ADGRL2: variants seen among roughly 807,000 people sequenced by gnomAD.
ADGRL2 encodes calcium-independent alpha-latrotoxin receptor 2.
A neutral mutation model predicts 157.4 loss-of-function variants in ADGRL2; 44 were observed. That is an observed-to-expected ratio of 0.28 (90% CI 0.22 to 0.36). The LOEUF is 0.36. Ranked by LOEUF, ADGRL2 falls within the 10% of genes least tolerant of loss-of-function variation. The pLI is 1.00. For missense variants in ADGRL2, 1,510 were observed against 1,768.9 expected (o/e 0.85, Z 2.63); for synonymous variants, 585 against 624.7 (o/e 0.94, Z 0.95).
At chr1:81,576,127 C>T (rs1356722475) in intron 2 of ADGRL2, among the ~76,000 whole-genome samples, 1 of 152,080 alleles carries the variant, frequency 6.6e-6, no homozygotes, top group Non-Finnish European at 1.5e-5. Flanking sequence ...CAGGAAAAGA[C>T]AGGTGCACCC....
At chr1:81,956,780 C>G (rs910558555) in intron 11 of ADGRL2, among the ~76,000 whole-genome samples, 5 of 152,104 alleles carry the variant, frequency 3.3e-5, no homozygotes, top group African/African-American at 1.2e-4. Flanking sequence ...AAAAAGCTTC[C>G]CAAGCATACA....
At chr1:81,869,720 A>G (rs1557812268) in intron 2 of ADGRL2, among the ~76,000 whole-genome samples, 1 of 151,960 alleles carries the variant, frequency 6.6e-6, no homozygotes, top group Non-Finnish European at 1.5e-5. Context: ...AAAAAATATA[A>G]TTTGTGACTC....
intron 2 of ADGRL2, among the ~76,000 whole-genome samples, chr1:81,773,706 T>C (rs867174893): frequency 2.0e-5 from 3 of 152,176 alleles, no homozygotes; most frequent in Non-Finnish European, 1.5e-5. Flanking sequence ...TAGAACATAA[T>C]AATTATTGAG....
At chr1:81,879,107 A>C (rs2093918773) in intron 2 of ADGRL2, among the ~76,000 whole-genome samples, 1 of 152,220 alleles carries the variant, frequency 6.6e-6, no homozygotes, top group Admixed American at 6.5e-5. Flanking sequence ...CTCTGATAAA[A>C]AGATTAGTTT....
chr1:81,956,986 G>T (rs1012649201), intron 11 of ADGRL2, among the ~76,000 whole-genome samples: 1 of 151,602 alleles, frequency 6.6e-6, no homozygotes, highest in Non-Finnish European at 1.5e-5. Context: ...TGGAAGAAAT[G>T]GACATAAATC....
chr1:81,313,507 C>T (rs1239321680), intron 1 of ADGRL2, among the ~76,000 whole-genome samples: 1 of 152,174 alleles, frequency 6.6e-6, no homozygotes, highest in Non-Finnish European at 1.5e-5. Flanking sequence ...CTCTTAGCCA[C>T]TCGGGTGATA....
At chr1:81,419,130 G>A (rs1263043750) in intron 1 of ADGRL2, among the ~76,000 whole-genome samples, 2 of 151,988 alleles carry the variant, frequency 1.3e-5, no homozygotes, top group Non-Finnish European at 2.9e-5. Flanking sequence ...AGTGTAAAGT[G>A]GAGCATATTT....
intron 1 of ADGRL2, among the ~76,000 whole-genome samples, chr1:81,407,810 G>A (rs750927165): frequency 6.6e-6 from 1 of 152,204 alleles, no homozygotes; most frequent in Non-Finnish European, 1.5e-5. Flanking sequence ...GAGAAAAGAA[G>A]GGAGAGGGAG....
chr1:81,612,242 G>C (rs1170859715), intron 3 of ADGRL2, among the ~76,000 whole-genome samples: 1 of 152,058 alleles, frequency 6.6e-6, no homozygotes, highest in Non-Finnish European at 1.5e-5. Context: ...TAGTTTGTAG[G>C]TGAGAAAATG....
Position 81,943,001 on chromosome 1 carries a change from G to A in ADGRL2, c.442G>A (p.Val148Met). The A allele has an allele frequency of 1.2e-6, 2 of 1,612,928 alleles. No individual in the cohort carries two copies. Among genetic ancestry groups the A allele is most frequent in the Non-Finnish European group, 8.5e-7 (1 of 1,179,238 alleles). The part of the protein sequence containing the change: ...FVCPGTLKAI[V>M]DSPCIYEAEQ... ...GTGTCCTGGGACCTTGAAAGCAATT[G>A]TGGACTCACCATGTATATATGAAGC... is the stretch of plus-strand genomic sequence containing the variant. The change falls in exon 6 of 24, where the codon GTG becomes ATG. Residue 148 changes from valine to methionine, a missense_variant. By Grantham distance (21) the Val-to-Met change is conservative (BLOSUM62 1). Transcript: ENST00000686636. This position sits in a 1 kb window ranked among gnomAD's most constrained non-coding sequence, Gnocchi z 5.6.
chr1:81,778,185 G>C (rs2086665330), intron 2 of ADGRL2, among the ~76,000 whole-genome samples: 1 of 142,130 alleles, frequency 7.0e-6, no homozygotes, highest in African/African-American at 2.7e-5. Flanking sequence ...AGCCAAGCAT[G>C]GTGGCGGGCA....
intron 1 of ADGRL2, among the ~76,000 whole-genome samples, chr1:81,717,341 C>T (rs1485673010): frequency 6.6e-6 from 1 of 152,172 alleles, no homozygotes; most frequent in African/African-American, 2.4e-5. Context: ...AAAAGGCCAA[C>T]TACAAGTCAA....
intron 2 of ADGRL2, among the ~76,000 whole-genome samples, chr1:81,549,881 A>G (rs2080103265): frequency 6.6e-6 from 1 of 152,200 alleles, no homozygotes; most frequent in African/African-American, 2.4e-5. Flanking sequence ...CCTGCCTTCT[A>G]TCCCAAGTAG....
At chr1:81,644,904 T>G (rs1200742697) in intron 3 of ADGRL2, among the ~76,000 whole-genome samples, 1 of 152,244 alleles carries the variant, frequency 6.6e-6, no homozygotes. Context: ...AAAAATCACT[T>G]AGACCCCTTG....
intron 2 of ADGRL2, among the ~76,000 whole-genome samples, chr1:81,885,037 G>C (rs2094092794): frequency 6.6e-6 from 1 of 152,102 alleles, no homozygotes; most frequent in Non-Finnish European, 1.5e-5. Flanking sequence ...TATAAAGCAA[G>C]GGAAACAGTG....
chr1:81,954,303 TAATA>T (rs1652780679), intron 10 of ADGRL2, among the ~76,000 whole-genome samples: 1 of 151,956 alleles, frequency 6.6e-6, no homozygotes, highest in South Asian at 2.1e-4. Flanking sequence ...GTACAAATAG[TAATA>T]AATAAGGAGT....
chr1:81,690,699 T>A (rs1027177001), intron 3 of ADGRL2, among the ~76,000 whole-genome samples: 2 of 152,150 alleles, frequency 1.3e-5, no homozygotes, highest in African/African-American at 4.8e-5. Context: ...TTTTTCTGGG[T>A]TATTCATTTC....
rs549562065 is a variant in ADGRL2, at chr1:81,739,802, T to C, written c.-142-22009T>C. 2.0e-5 allele frequency among the ~76,000 whole-genome samples: 3 copies of C among 152,336 alleles called. No homozygotes were observed. In the East Asian group the frequency reaches 5.8e-4, roughly 29 times the overall value. On this transcript the variant is annotated intron_variant, in intron 1 of 20. Coordinates refer to the ADGRL2 transcript ENST00000359929. ...TATTGATAAGATAACACCCTTTCTT[T>C]ATCCAGGCTGTTCCAGGCATTAGGG...
chr1:81,778,600 C>T (rs2086692454), intron 2 of ADGRL2, among the ~76,000 whole-genome samples: 1 of 152,164 alleles, frequency 6.6e-6, no homozygotes, highest in African/African-American at 2.4e-5. Flanking sequence ...CCGCACCGCT[C>T]ACTGCCACCA....
Sources: gnomAD v4.1 joint callset for allele counts (sites outside exome capture counted in the v4.1 genomes callset) on GRCh38, gnomAD v4.1.1 for gene constraint, Gnocchi (gnomAD v3.1) non-coding constraint, MANE v1.5 for transcripts, NCBI Gene and HGNC (gene_info 2026-07-23, HGNC 2026-07-21) for gene names.